UHRF1: variants seen among roughly 807,000 people sequenced by gnomAD.
UHRF1 encodes ubiquitin like with PHD and ring finger domains 1.
A neutral mutation model predicts 96.5 loss-of-function variants in UHRF1; 9 were observed. The observed-to-expected ratio is 0.09, with a 90% CI of 0.06 to 0.16. The LOEUF (loss-of-function observed/expected upper bound fraction) is 0.16, where lower values mean the gene tolerates loss of function less well. UHRF1 is among the 10% of genes least tolerant of loss of function. The pLI, the probability that UHRF1 is intolerant of heterozygous loss-of-function variation, is 1.00. For missense variants in UHRF1, 626 were observed against 1,131.1 expected (o/e 0.55, Z 6.40); for synonymous variants, 455 against 469.9 (o/e 0.97, Z 0.41).
chr19:4,943,536 A>C (rs953480269), intron 7 of UHRF1, among the ~76,000 whole-genome samples: 3 of 139,078 alleles, frequency 2.2e-5, no homozygotes, highest in African/African-American at 2.6e-5. Context: ...AACTGAGTCC[A>C]CGGCAGTGAG....
intron 2 of UHRF1, among the ~76,000 whole-genome samples, chr19:4,922,208 A>C (rs907839602): frequency 2.0e-5 from 3 of 150,844 alleles, no homozygotes; most frequent in Admixed American, 1.3e-4. Flanking sequence ...CGGCCTCCCA[A>C]AGTGCTGGGA....
chr19:4,910,920 A>C lies in UHRF1; in HGVS notation c.35A>C (p.Gln12Pro). 6.2e-7 allele frequency: 1 copy of C among 1,613,434 alleles called. No individual in the cohort carries two copies. Among genetic ancestry groups the C allele is most frequent in the Non-Finnish European group, 8.5e-7 (1 of 1,179,524 alleles). The change falls in exon 2 of 17, where the codon CAG (glutamine) becomes CCG (proline). Residue 12 changes from glutamine to proline, a missense_variant. Gln to Pro is a moderately conservative substitution (Grantham distance 76). Coordinates refer to ENST00000650932, the MANE Select transcript of UHRF1 (RefSeq NM_001048201.3). ...WIQVRTMDGR[Q>P]THTVDSLSRL... ...CAGGTTCGGACCATGGACGGGAGGCAGACCCACACGGTGGACTCGCTGTCC... is the reference window on the plus strand; with the variant it reads ...CAGGTTCGGACCATGGACGGGAGGCCGACCCACACGGTGGACTCGCTGTCC...
At chr19:4,949,040 C>T (rs902301492) in intron 11 of UHRF1, among the ~76,000 whole-genome samples, 1 of 144,802 alleles carries the variant, frequency 6.9e-6, no homozygotes, top group African/African-American at 2.6e-5. Flanking sequence ...GAGGCTGAGG[C>T]AGGAGAATGT....
intron 5 of UHRF1, among the ~76,000 whole-genome samples, chr19:4,933,901 C>T (rs887234626): frequency 6.6e-6 from 1 of 151,486 alleles, no homozygotes; most frequent in African/African-American, 2.4e-5. Context: ...AAAATCCTTC[C>T]TATTTGGCCA....
chr19:4,946,122 C>T (rs1176677828), intron 10 of UHRF1, among the ~76,000 whole-genome samples, 157 bp downstream of exon 10: 1 of 152,084 alleles, frequency 6.6e-6, no homozygotes, highest in African/African-American at 2.4e-5. Context: ...ATCACCACCA[C>T]CATCTCCAGA....
Position 4,917,650 on chromosome 19 carries a change from C to A in UHRF1, c.153+6612C>A, listed in dbSNP as rs1424260589. On this transcript the variant is annotated intron_variant, in intron 2 of 16. Transcript: ENST00000650932. ...GCTTGGCAACAGAGCGAGACTCCGT[C>A]TCAAAAAAAAAAAAAAAAAAAAAAA... Among the ~76,000 whole-genome samples, 8 of 93,752 alleles carry A rather than the reference C, an allele frequency of 8.5e-5. No individual in the cohort carries two copies. The East Asian group carries it at 2.4e-3, about 28-fold the overall frequency. The allele number at this position is 93,752 out of a possible 152,430, so 61.5% of individuals were successfully genotyped here. A position where few individuals can be genotyped will look rare whatever the true frequency, so the allele number is the denominator to read the frequency against.
chr19:4,958,071 C>T (rs1353494379), intron 16 of UHRF1, among the ~76,000 whole-genome samples: 3 of 152,230 alleles, frequency 2.0e-5, no homozygotes, highest in African/African-American at 7.2e-5. Flanking sequence ...CAGGAGGCAG[C>T]TCAGGGAAGG....
chr19:4,959,714 T>C (rs1568187518), intron 16 of UHRF1, among the ~76,000 whole-genome samples: 1 of 152,166 alleles, frequency 6.6e-6, no homozygotes, highest in Non-Finnish European at 1.5e-5. Flanking sequence ...TATTTTTTAT[T>C]TTTTTCGAGA....
At chr19:4,943,802 C>G (rs2033481538) in intron 7 of UHRF1, among the ~76,000 whole-genome samples, 1 of 152,150 alleles carries the variant, frequency 6.6e-6, no homozygotes, top group Non-Finnish European at 1.5e-5. Flanking sequence ...AGGTGCCCAC[C>G]ACCATGCCCG....
intron 2 of UHRF1, among the ~76,000 whole-genome samples, chr19:4,924,386 T>G (rs1213781833): frequency 2.0e-5 from 3 of 152,158 alleles, no homozygotes; most frequent in Non-Finnish European, 4.4e-5. Flanking sequence ...CCTGACTTCA[T>G]GATCCACCCG....
intron 7 of UHRF1, among the ~76,000 whole-genome samples, chr19:4,942,815 C>T (rs1447206767): frequency 6.6e-6 from 1 of 152,146 alleles, no homozygotes; most frequent in Non-Finnish European, 1.5e-5. Flanking sequence ...CGCCTGTGGT[C>T]CCAGCCACTT....
chr19:4,920,169 T>C (rs1052962722), intron 2 of UHRF1, among the ~76,000 whole-genome samples: 1 of 152,186 alleles, frequency 6.6e-6, no homozygotes, highest in Non-Finnish European at 1.5e-5. Flanking sequence ...CAGCGGCTCA[T>C]GCTTGTAATT....
At chr19:4,910,754 G>A in intron 1 of UHRF1, 122 bp from the exon 2 acceptor site, 3 of 1,234,458 alleles carry the variant, frequency 2.4e-6, no homozygotes, top group Non-Finnish European at 3.3e-6. Context: ...GGACTGGAAG[G>A]GCATCCTGGG....
chr19:4,954,406 C>T lies in UHRF1; in HGVS notation c.1875C>T (p.Ser625=), dbSNP rs763288254. 8.1e-6 allele frequency: 13 copies of T among 1,613,736 alleles called. No homozygotes were observed. In the Admixed American group the frequency reaches 2.2e-4, roughly 27 times the overall value. The stretch of plus-strand genomic sequence containing the variant: ...ACCGAGAGCGAGAGAAGGAGAACAG[C>T]AAGAGGGAGGAGGAGGAGCAGCAGG... The part of the protein sequence containing the change: ...LANREREKEN[S]KREEEEQQEG... Residue 625 remains serine, a synonymous_variant, in exon 14 of 17, where the codon AGC becomes AGT. Coordinates refer to ENST00000650932, the MANE Select transcript of UHRF1 (RefSeq NM_001048201.3). The surrounding 1 kb of genome is among the most constrained non-coding windows in gnomAD (Gnocchi z 5.9).
At chr19:4,907,491 G>A (rs1334299565), upstream of UHRF1, among the ~76,000 whole-genome samples, 1 of 151,940 alleles carries the variant, frequency 6.6e-6, no homozygotes, top group Non-Finnish European at 1.5e-5. Flanking sequence ...CTAGTCTGGC[G>A]ACTCCTGACC....
rs745584378 is a variant in UHRF1 at position 4,910,803 on chromosome 19, G to A, written c.-10-73G>A. 5 of 1,473,612 alleles carry A rather than the reference G, an allele frequency of 3.4e-6. No homozygotes were observed. In the Admixed American group the frequency reaches 1.1e-4, roughly 32 times the overall value. 91.3% of individuals were successfully genotyped at this position (1,473,612 alleles called of 1,614,324 possible). A position where few individuals can be genotyped will look rare whatever the true frequency, so the allele number is the denominator to read the frequency against. On this transcript the variant is annotated intron_variant, in intron 1 of 16. Transcript: ENST00000650932. ...CCACAGGCCGGACAAAAGCAACCCC[G>A]ACTCCTTAGAGCATGGCATGGCTCA...
At chr19:4,955,080 C>T (rs2033821435) in intron 15 of UHRF1, among the ~76,000 whole-genome samples, 1 of 152,042 alleles carries the variant, frequency 6.6e-6, no homozygotes, top group African/African-American at 2.4e-5. Flanking sequence ...CAACTGCTCC[C>T]CAGCCCCTGC....
intron 10 of UHRF1, 52 bp from the exon 11 acceptor site, chr19:4,947,053 T>C (rs1370936672): frequency 1.6e-6 from 2 of 1,245,014 alleles, no homozygotes; most frequent in African/African-American, 1.5e-5. Context: ...GCAGTCTCTT[T>C]TTTTTTTTTT....
chr19:4,951,311 G>A (rs891447001), intron 13 of UHRF1, among the ~76,000 whole-genome samples: 1 of 152,174 alleles, frequency 6.6e-6, no homozygotes. Flanking sequence ...GACACTTCCC[G>A]CCTGGGCACC....
Sources: allele counts gnomAD v4.1 joint callset (sites outside exome capture counted in the v4.1 genomes callset), GRCh38; gene constraint gnomAD v4.1.1; non-coding constraint Gnocchi (gnomAD v3.1); transcripts MANE v1.5; gene names NCBI Gene and HGNC (gene_info 2026-07-23, HGNC 2026-07-21).